FRMPD4: variants seen among roughly 807,000 people sequenced by gnomAD.
FRMPD4 encodes FERM and PDZ domain containing 4.
FRMPD4 carries 22 observed loss-of-function variants against 94.1 expected under a neutral mutation model. The observed-to-expected ratio is 0.23, with a 90% CI of 0.17 to 0.33. The LOEUF is 0.33. Ranked by LOEUF, FRMPD4 falls within the 10% of genes least tolerant of loss-of-function variation. The pLI, the probability that FRMPD4 is intolerant of heterozygous loss-of-function variation, is 1.00. For missense variants in FRMPD4, 1,111 were observed against 1,339.9 expected, an observed-to-expected ratio of 0.83 and a Z score of 2.67; for synonymous variants, 631 against 548.6, an observed-to-expected ratio of 1.15 and a Z score of -2.10.
At chrX:12,470,768 T>TC (rs1241495812) in intron 1 of FRMPD4, among the ~76,000 whole-genome samples, 1 of 111,814 alleles carries the variant, frequency 8.9e-6, no homozygotes, top group Non-Finnish European at 1.9e-5. Context: ...CACACATCCC[T>TC]CCCTGAAGCT....
intron 2 of FRMPD4, chrX:12,583,645 A>T (rs2058892195): frequency 2.5e-6 from 1 of 407,151 alleles, no homozygotes; most frequent in African/African-American, 2.7e-5. Context: ...CCTGGCCAGG[A>T]CCCTGAGTCT....
At chrX:12,625,099 A>T (rs1374331888) in intron 4 of FRMPD4, among the ~76,000 whole-genome samples, 1 of 111,926 alleles carries the variant, frequency 8.9e-6, no homozygotes, top group Non-Finnish European at 1.9e-5. Context: ...ATCTCACCAC[A>T]GTTAAAATGG....
chrX:11,828,919 A>G (rs1319104951), intron 1 of FRMPD4, among the ~76,000 whole-genome samples: 1 of 112,438 alleles, frequency 8.9e-6, no homozygotes, highest in Non-Finnish European at 1.9e-5. Flanking sequence ...GGAAATGTCG[A>G]TGGTGCAGAT....
In FRMPD4 at chrX:12,690,175, G is replaced by A. The variant is rs185549237; in HGVS notation, c.682-20G>A. 1.3e-5 allele frequency: 16 copies of A among 1,193,256 alleles called. No homozygotes were observed. Among genetic ancestry groups the A allele is most frequent in the African/African-American group, 1.1e-4 (6 of 56,951 alleles). On this transcript the variant is annotated intron_variant, in intron 7 of 16. Transcript: ENST00000675598. ...GCAGCTTCGATTTTGGTCTCATCAT[G>A]TTCATGTTTCCTCTGTAAGGATGTC...
intron 1 of FRMPD4, among the ~76,000 whole-genome samples, chrX:12,488,476 T>G (rs1275228289): frequency 8.9e-6 from 1 of 111,934 alleles, no homozygotes; most frequent in Non-Finnish European, 1.9e-5. Flanking sequence ...GCCAGCATAT[T>G]GCATATTTGA....
At chrX:12,354,887 A>T (rs1294772213) in intron 1 of FRMPD4, among the ~76,000 whole-genome samples, 2 of 112,508 alleles carry the variant, frequency 1.8e-5, no homozygotes, top group Admixed American at 1.9e-4. Context: ...AGGAACAGGG[A>T]TTAAAATGTA....
chrX:12,304,435 A>C (rs1364634317), intron 1 of FRMPD4, among the ~76,000 whole-genome samples: 2 of 110,951 alleles, frequency 1.8e-5, no homozygotes, highest in African/African-American at 6.6e-5. Flanking sequence ...TTTCCTCCCC[A>C]TTCCATAGCT....
At chrX:12,297,137 G>A (rs1442733455) in intron 1 of FRMPD4, among the ~76,000 whole-genome samples, 2 of 112,793 alleles carry the variant, frequency 1.8e-5, no homozygotes, top group Middle Eastern at 9.1e-3. Flanking sequence ...TAAGCTAAGT[G>A]ATAAAGGATA....
chrX:12,368,819 C>T (rs1408990970), intron 1 of FRMPD4, among the ~76,000 whole-genome samples: 1 of 111,656 alleles, frequency 9.0e-6, no homozygotes, highest in Admixed American at 9.5e-5. Flanking sequence ...GTGGATGTTG[C>T]AGTGAGCCGA....
At chrX:11,835,214 C>G (rs971159455) in intron 1 of FRMPD4, among the ~76,000 whole-genome samples, 2 of 111,705 alleles carry the variant, frequency 1.8e-5, no homozygotes, top group African/African-American at 6.5e-5. Flanking sequence ...TCAGAAGAGC[C>G]CATTCTGCCA....
chrX:12,604,240 A>G lies in FRMPD4; in HGVS notation c.159-5481A>G, dbSNP rs773462918. The stretch of plus-strand genomic sequence containing the variant: ...CCTGTATCGCCCCTAATTATAGAAC[A>G]TCATCAGTGCTTCTTATTTCCCTCA... On this transcript the variant is annotated intron_variant, in intron 2 of 16. Coordinates refer to ENST00000675598, the MANE Select transcript of FRMPD4 (RefSeq NM_001368397.1). Among the ~76,000 whole-genome samples, 80 of 111,342 alleles carry G rather than the reference A, an allele frequency of 7.2e-4. 1 individual carries two copies. The highest frequency in any genetic ancestry group is 2.3e-3 in the African/African-American group (72 of 30,654).
intron 1 of FRMPD4, among the ~76,000 whole-genome samples, chrX:12,233,047 T>C (rs953767490): frequency 6.2e-5 from 7 of 112,150 alleles, no homozygotes; most frequent in Non-Finnish European, 1.3e-4. Flanking sequence ...ACATAAATGC[T>C]TTAATCCCCA....
intron 1 of FRMPD4, among the ~76,000 whole-genome samples, chrX:12,453,971 C>T (rs1002228933): frequency 8.9e-6 from 1 of 112,390 alleles, no homozygotes; most frequent in Admixed American, 9.4e-5. Flanking sequence ...GTTATTTCCA[C>T]ATGTTCTATT....
chrX:12,331,865 ATTTATATACTATATATAAATTATATAT>A, intron 1 of FRMPD4, among the ~76,000 whole-genome samples: 1 of 29,735 alleles, frequency 3.4e-5, no homozygotes, highest in African/African-American at 3.2e-4. Context: ...AATTATATAT[ATTTATATACTATATATAAATTATATAT>A]ATTTATATAC....
intron 3 of FRMPD4, among the ~76,000 whole-genome samples, chrX:12,037,906 A>T (rs2147439473): frequency 8.9e-6 from 1 of 111,949 alleles, no homozygotes; most frequent in Admixed American, 9.5e-5. Flanking sequence ...TGCAAAGGAC[A>T]TGATCTTATT....
chrX:11,848,246 A>G (rs2053594175), intron 1 of FRMPD4, among the ~76,000 whole-genome samples: 1 of 110,275 alleles, frequency 9.1e-6, no homozygotes, highest in South Asian at 3.9e-4. Context: ...CCTGCAGTTA[A>G]TTTGTGGAAT....
intron 3 of FRMPD4, among the ~76,000 whole-genome samples, chrX:11,966,488 C>A (rs1173341043): frequency 9.0e-6 from 1 of 111,067 alleles, no homozygotes. Context: ...CTGAATGACC[C>A]AGTCTAAAGT....
intron 2 of FRMPD4, among the ~76,000 whole-genome samples, chrX:12,571,554 T>C (rs886937143): frequency 3.6e-5 from 4 of 112,647 alleles, no homozygotes; most frequent in African/African-American, 1.3e-4. Flanking sequence ...CCCATAATTG[T>C]AGATGTTAAA....
Position 12,417,447 on chromosome X carries a change from C to T in FRMPD4, c.42-81233C>T, listed in dbSNP as rs191954926. ...TACAAAAATTAGCCGGGTATGGTGG[C>T]AGGCACCTGTAATCCCAGCTACTTG... On this transcript the variant is annotated intron_variant, in intron 1 of 16. Transcript: ENST00000675598. Among the ~76,000 whole-genome samples the T allele has an allele frequency of 8.3e-5, 9 of 107,897 alleles. No homozygotes were observed. In the East Asian group the frequency reaches 2.6e-3, roughly 32 times the overall value. The allele number at this position is 107,897 out of a possible 115,157, so 93.7% of individuals were successfully genotyped here.
Sources: allele counts gnomAD v4.1 joint callset (sites outside exome capture counted in the v4.1 genomes callset), GRCh38; gene constraint gnomAD v4.1.1; transcripts MANE v1.5; gene names NCBI Gene and HGNC (gene_info 2026-07-23, HGNC 2026-07-21).